The following ERP44 variants were observed in gnomAD, a reference collection of about 807,000 sequenced individuals.
The protein encoded by ERP44 is endoplasmic reticulum resident protein 44.
Under a neutral mutation model 53.4 loss-of-function variants are expected in ERP44, and 25 were observed. That is an observed-to-expected ratio of 0.47 (90% confidence interval 0.34 to 0.65). The LOEUF (loss-of-function observed/expected upper bound fraction) is 0.65. Ranked by LOEUF, ERP44 falls within the 30% of genes least tolerant of loss-of-function variation. The pLI is 0.01. For missense variants in ERP44, 338 were observed against 493.2 expected, an observed-to-expected ratio of 0.69 and a Z score of 2.98; for synonymous variants, 145 against 161.2, an observed-to-expected ratio of 0.90 and a Z score of 0.76.
At chr9:100,046,215 A>T (rs1825965859) in intron 4 of ERP44, among the ~76,000 whole-genome samples, 1 of 152,196 alleles carries the variant, frequency 6.6e-6, no homozygotes. Flanking sequence ...CAAAATTCTT[A>T]AAGAATATTA....
chr9:99,987,227 G>A (rs1042461930), intron 10 of ERP44, among the ~76,000 whole-genome samples: 5 of 152,162 alleles, frequency 3.3e-5, no homozygotes, highest in Non-Finnish European at 5.9e-5. Flanking sequence ...CTAGCTTGTG[G>A]CCAGAAACTA....
intron 10 of ERP44, chr9:99,998,624 TTTTC>T (rs1399610725): frequency 2.6e-6 from 2 of 763,260 alleles, no homozygotes; most frequent in Non-Finnish European, 4.9e-6. Flanking sequence ...TTCAGATTCT[TTTTC>T]TTGAGATCTC....
intron 4 of ERP44, among the ~76,000 whole-genome samples, chr9:100,040,265 C>T (rs1211663982): frequency 6.6e-6 from 1 of 152,130 alleles, no homozygotes; most frequent in African/African-American, 2.4e-5. Context: ...AAATCCTCCA[C>T]AAAATACCAG....
chr9:100,055,077 C>T (rs1424616312), intron 3 of ERP44, among the ~76,000 whole-genome samples: 1 of 152,106 alleles, frequency 6.6e-6, no homozygotes, highest in Non-Finnish European at 1.5e-5. Context: ...AGTTCCACCA[C>T]TTACTAGCCA....
At position 99,990,580 on chromosome 9, in the gene ERP44, T is replaced by C. The variant is rs563750779; in HGVS notation, c.1017-5511A>G. Among the ~76,000 whole-genome samples, 11 of 152,322 alleles carry C rather than the reference T, an allele frequency of 7.2e-5. No individual in the cohort carries two copies. In the East Asian group the frequency reaches 1.5e-3, roughly 21 times the overall value. ...AAAACATGCCAAAGTGTAAAGACCA[T>C]TGATGCTAGGAAGAAACTGCATCAA... On this transcript the variant is annotated intron_variant, in intron 10 of 11. Coordinates refer to ENST00000262455, the MANE Select transcript of ERP44 (RefSeq NM_015051.3).
At chr9:100,065,306 A>AGATGTGTAG (rs1826197892) in intron 1 of ERP44, among the ~76,000 whole-genome samples, 1 of 152,202 alleles carries the variant, frequency 6.6e-6, no homozygotes, top group African/African-American at 2.4e-5. Flanking sequence ...AGGCTATTCC[A>AGATGTGTAG]TATAGCCCAG....
At position 100,007,599 on chromosome 9, in the gene ERP44, G is replaced by A. The variant is rs1240898235; in HGVS notation, c.853C>T (p.Arg285Trp). ...CTACCTTTTTCACTTATTAATTGCC[G>A]AGCTACTTCATTCTGGAATATTTCT... The part of the protein sequence containing the change: ...SLEIFQNEVA[R>W]QLISEKGTIN... The change falls in exon 9 of 12, where the codon CGG becomes TGG. Residue 285 changes from arginine (R) to tryptophan (W), a missense_variant. Physicochemically the swap from Arg to Trp is moderately radical, Grantham distance 101. This residue lies in a region of ERP44 where 113 missense variants were observed against 172.6 expected (regional missense o/e 0.65). Transcript: ENST00000262455. The A allele has an allele frequency of 2.6e-6, 4 of 1,553,026 alleles. No individual in the cohort carries two copies. The highest frequency in any genetic ancestry group is 2.7e-6 in the Non-Finnish European group (3 of 1,124,476).
intron 10 of ERP44, among the ~76,000 whole-genome samples, chr9:99,997,185 A>G (rs997525690): frequency 1.3e-5 from 2 of 152,180 alleles, no homozygotes; most frequent in African/African-American, 4.8e-5. Flanking sequence ...GCTGTATCAA[A>G]TGGTAGTTCT....
intron 6 of ERP44, among the ~76,000 whole-genome samples, chr9:100,020,231 G>C (rs575457889): frequency 8.5e-5 from 13 of 152,304 alleles, no homozygotes; most frequent in African/African-American, 2.4e-4. Flanking sequence ...TGGAGAGATG[G>C]AGATGAATGA....
intron 4 of ERP44, among the ~76,000 whole-genome samples, chr9:100,043,161 A>G (rs1257120071): frequency 1.4e-5 from 2 of 144,486 alleles, no homozygotes; most frequent in Non-Finnish European, 3.0e-5. Context: ...CAGGAGGCTG[A>G]GGCAGGAGAA....
At chr9:100,030,370 C>T (rs1219650048) in intron 4 of ERP44, among the ~76,000 whole-genome samples, 1 of 152,106 alleles carries the variant, frequency 6.6e-6, no homozygotes, top group Admixed American at 6.6e-5. Flanking sequence ...ACCAAATGGC[C>T]AACTCTGGGT....
At chr9:100,001,777 C>T (rs78057132) in intron 10 of ERP44, among the ~76,000 whole-genome samples, 4,746 of 152,186 alleles carry the variant, frequency 0.031, 227 homozygotes, top group African/African-American at 0.1. Context: ...TTCAGCCAGT[C>T]TCTGTCTTTT....
intron 8 of ERP44, among the ~76,000 whole-genome samples, chr9:100,015,944 G>A (rs1830521416): frequency 6.6e-6 from 1 of 152,132 alleles, no homozygotes. Context: ...CTCTCGCTGG[G>A]CAGCCCTCTT....
intron 1 of ERP44, among the ~76,000 whole-genome samples, chr9:100,068,087 AG>A (rs1349903611): frequency 1.5e-5 from 2 of 136,472 alleles, no homozygotes; most frequent in Non-Finnish European, 3.1e-5. Context: ...TGGGGGAGTC[AG>A]CCCCCCGCCC....
intron 1 of ERP44, among the ~76,000 whole-genome samples, chr9:100,098,426 G>A (rs1211772445): frequency 6.6e-6 from 1 of 152,198 alleles, no homozygotes; most frequent in Non-Finnish European, 1.5e-5. Context: ...AATGGAGAGG[G>A]TGGGAAGGAA....
intron 8 of ERP44, among the ~76,000 whole-genome samples, chr9:100,015,862 A>G (rs1830520778): frequency 6.6e-6 from 1 of 152,090 alleles, no homozygotes; most frequent in Non-Finnish European, 1.5e-5. Flanking sequence ...AGTTCACAAC[A>G]GGGTTCACAT....
At chr9:100,015,106 T>C (rs1438562255) in intron 8 of ERP44, among the ~76,000 whole-genome samples, 1 of 152,176 alleles carries the variant, frequency 6.6e-6, no homozygotes, top group African/African-American at 2.4e-5. Flanking sequence ...CATTCCCTAA[T>C]ACTGTCACAT....
At chr9:99,992,220 A>G (rs1564084649) in intron 10 of ERP44, among the ~76,000 whole-genome samples, 2 of 152,232 alleles carry the variant, frequency 1.3e-5, no homozygotes, top group Admixed American at 6.5e-5. Context: ...ACAAAAAAAG[A>G]GAATTTAGAC....
intron 1 of ERP44, among the ~76,000 whole-genome samples, chr9:100,068,696 C>A (rs1826264319): frequency 6.7e-6 from 1 of 148,234 alleles, no homozygotes. Context: ...CGGCCAGCCG[C>A]CCCGTCCGGG....
Sources: allele counts gnomAD v4.1 joint callset (sites outside exome capture counted in the v4.1 genomes callset), GRCh38; gene constraint gnomAD v4.1.1; regional missense constraint gnomAD v4.1.1; transcripts MANE v1.5; gene names NCBI Gene and HGNC (gene_info 2026-07-23, HGNC 2026-07-21).